The following XXYLT1 variants were observed in gnomAD, a reference collection of about 807,000 sequenced individuals.
XXYLT1 encodes UDP-xylose:alpha-xyloside alpha-1,3-xylosyltransferase.
A neutral mutation model predicts 28.9 loss-of-function variants in XXYLT1; 20 were observed. The observed-to-expected ratio is 0.69, with a 90% confidence interval of 0.49 to 1.00. The LOEUF is 1.00. Ranked by LOEUF, XXYLT1 falls within the 50% of genes least tolerant of loss-of-function variation. XXYLT1 has a pLI of 0.00. For synonymous variants in XXYLT1, 257 were observed against 253.8 expected, an observed-to-expected ratio of 1.01 and a Z score of -0.12; for missense variants, 542 against 560.1, an observed-to-expected ratio of 0.97 and a Z score of 0.33.
intron 3 of XXYLT1, among the ~76,000 whole-genome samples, chr3:195,102,510 A>C (rs1716848274): frequency 6.6e-6 from 1 of 152,046 alleles, no homozygotes; most frequent in East Asian, 1.9e-4. Context: ...TCCTCTTTTT[A>C]AAAAGATTCT....
intron 2 of XXYLT1, among the ~76,000 whole-genome samples, chr3:195,170,164 T>A (rs1721336906): frequency 6.6e-6 from 1 of 152,138 alleles, no homozygotes; most frequent in African/African-American, 2.4e-5. Flanking sequence ...ATGTATATAT[T>A]TATATATATG....
intron 2 of XXYLT1, among the ~76,000 whole-genome samples, chr3:195,207,013 G>A (rs1723102631): frequency 6.6e-6 from 1 of 152,080 alleles, no homozygotes. Flanking sequence ...AAAGGCCCAC[G>A]GAGGATGTTC....
chr3:195,122,775 G>T (rs183712788), intron 3 of XXYLT1, among the ~76,000 whole-genome samples: 2 of 152,228 alleles, frequency 1.3e-5, no homozygotes, highest in Admixed American at 6.5e-5. Context: ...CAGCGGGGGC[G>T]ACACGCTCCC....
rs1257313361 is a variant in XXYLT1, at chr3:195,173,760, C to G, written c.653-17179G>C. Among the ~76,000 whole-genome samples, 1 of 152,220 alleles carries G rather than the reference C, an allele frequency of 6.6e-6. No individual in the cohort carries two copies. Among genetic ancestry groups the G allele is most frequent in the Non-Finnish European group, 1.5e-5 (1 of 68,036 alleles). On this transcript the variant is annotated intron_variant, in intron 2 of 3. Transcript: ENST00000310380. The surrounding 1 kb of genome is among the most constrained non-coding windows in gnomAD (Gnocchi z 4.3). Reference sequence around the variant, plus strand: ...AGAAAGCAGAAGGAGCTTTGCATCTCAGGCCATCCCGCACCGGCTCGCTGT... The same window carrying G: ...AGAAAGCAGAAGGAGCTTTGCATCTGAGGCCATCCCGCACCGGCTCGCTGT...
intron 2 of XXYLT1, among the ~76,000 whole-genome samples, chr3:195,186,971 C>T (rs113795809): frequency 0.07 from 10,521 of 150,632 alleles, 1,238 homozygotes; most frequent in African/African-American, 0.24. Context: ...CTCGGCTCAC[C>T]GCAACCTCCA....
chr3:195,197,668 A>G lies in XXYLT1; in HGVS notation c.652+29041T>C, dbSNP rs144041212. 2.2e-4 allele frequency among the ~76,000 whole-genome samples: 33 copies of G among 152,348 alleles called. 1 individual carries two copies. The East Asian group carries it at 6.4e-3, about 29-fold the overall frequency. On this transcript the variant is annotated intron_variant, in intron 2 of 3. Transcript: ENST00000310380. Reference sequence around the variant, plus strand: ...AACAAATTAAAGTCCTATAAAAAAGACAACTATATATCCCGTCCGCTCAGG... The same window carrying G: ...AACAAATTAAAGTCCTATAAAAAAGGCAACTATATATCCCGTCCGCTCAGG...
At chr3:195,131,843 A>G (rs1403259505) in intron 3 of XXYLT1, among the ~76,000 whole-genome samples, 1 of 152,192 alleles carries the variant, frequency 6.6e-6, no homozygotes, top group Non-Finnish European at 1.5e-5. Context: ...TGGATCTTCC[A>G]TTTCCTAGTT....
intron 3 of XXYLT1, among the ~76,000 whole-genome samples, chr3:195,092,168 GA>G (rs1254214128): frequency 7.2e-6 from 1 of 139,230 alleles, no homozygotes; most frequent in Non-Finnish European, 1.5e-5. Context: ...CACAGAATTG[GA>G]AAAAACTACT....
At chr3:195,137,822 G>C (rs2108641525) in intron 3 of XXYLT1, among the ~76,000 whole-genome samples, 1 of 152,316 alleles carries the variant, frequency 6.6e-6, no homozygotes. Flanking sequence ...AGTAGGTCCT[G>C]AAGGCCAGTG....
rs553596039 is a variant in XXYLT1, at chr3:195,069,473, C to G, written c.*242G>C. On this transcript the variant is annotated 3_prime_UTR_variant, in exon 4 of 4. Coordinates refer to ENST00000310380, the MANE Select transcript of XXYLT1 (RefSeq NM_152531.5). ...CTTGCTTCCCAGCCCACTGGACATGCGTGTCCTTTGTGTCGCCTGCTCCCT... is the reference window on the plus strand; with the variant it reads ...CTTGCTTCCCAGCCCACTGGACATGGGTGTCCTTTGTGTCGCCTGCTCCCT... 1 of 537,204 alleles carries G rather than the reference C, an allele frequency of 1.9e-6. No individual in the cohort carries two copies. The highest frequency in any genetic ancestry group is 3.2e-6 in the Non-Finnish European group (1 of 307,862). The allele number at this position is 537,204 out of a possible 1,614,324, so 33.3% of individuals were successfully genotyped here.
At chr3:195,223,328 A>G (rs1187192412) in intron 2 of XXYLT1, among the ~76,000 whole-genome samples, 1 of 152,176 alleles carries the variant, frequency 6.6e-6, no homozygotes, top group Non-Finnish European at 1.5e-5. Context: ...AAACACAGAA[A>G]AAGAATTTGG....
chr3:195,156,840 G>A (rs180819679), intron 2 of XXYLT1, among the ~76,000 whole-genome samples: 4 of 152,218 alleles, frequency 2.6e-5, no homozygotes, highest in East Asian at 1.9e-4. Flanking sequence ...GCGACCACAC[G>A]CTCCAGTGTC....
intron 3 of XXYLT1, among the ~76,000 whole-genome samples, chr3:195,103,731 A>T (rs1464553152): frequency 6.6e-6 from 1 of 152,220 alleles, no homozygotes; most frequent in Non-Finnish European, 1.5e-5. Context: ...AGGCCCTGAG[A>T]AACTAGGGAA....
chr3:195,226,819 A>T lies in XXYLT1; in HGVS notation c.542T>A (p.Leu181His), dbSNP rs1403535189. The T allele has an allele frequency of 6.2e-7, 1 of 1,613,826 alleles. No homozygotes were observed. ...FHDVAVLTDKLFPIVEAMQKH... is the reference protein window; with the variant it reads ...FHDVAVLTDKHFPIVEAMQKH... ...CTGCATGGCCTCCACGATGGGGAAG[A>T]GCTTATCCGTCAGCACAGCAACATC... is the stretch of plus-strand genomic sequence containing the variant. Residue 181 changes from leucine (L) to histidine (H), a missense_variant, in exon 2 of 4, where the codon CTC becomes CAC. Transcript: ENST00000310380.
intron 1 of XXYLT1, among the ~76,000 whole-genome samples, chr3:195,227,187 GC>G (rs939965186): frequency 2.6e-5 from 4 of 152,204 alleles, no homozygotes; most frequent in Non-Finnish European, 4.4e-5. Flanking sequence ...ATGAAGCTGG[GC>G]CCCCCTGAAG....
intron 3 of XXYLT1, among the ~76,000 whole-genome samples, chr3:195,140,052 A>G (rs1444349902): frequency 1.3e-5 from 2 of 152,230 alleles, no homozygotes; most frequent in Admixed American, 6.5e-5. Context: ...ATCCTTTTAC[A>G]GTCACAGGCT....
intron 1 of XXYLT1, among the ~76,000 whole-genome samples, chr3:195,227,917 G>A (rs1001274960): frequency 4.6e-5 from 7 of 152,196 alleles, no homozygotes; most frequent in African/African-American, 9.7e-5. Flanking sequence ...TGGCCCATGC[G>A]CAGCCCCAGC....
intron 3 of XXYLT1, among the ~76,000 whole-genome samples, chr3:195,135,169 G>A (rs1388245222): frequency 6.6e-6 from 1 of 152,202 alleles, no homozygotes; most frequent in Admixed American, 6.5e-5. Flanking sequence ...ATCCGCTTGA[G>A]ACTGACAGAT....
intron 3 of XXYLT1, among the ~76,000 whole-genome samples, chr3:195,145,507 G>A (rs1417792512): frequency 2.9e-5 from 4 of 137,700 alleles, no homozygotes; most frequent in African/African-American, 5.7e-5. Flanking sequence ...CACGGTGACC[G>A]GCACTGATGG....
Sources: gnomAD v4.1 joint callset for allele counts (sites outside exome capture counted in the v4.1 genomes callset) on GRCh38, gnomAD v4.1.1 for gene constraint, Gnocchi (gnomAD v3.1) non-coding constraint, MANE v1.5 for transcripts, NCBI Gene and HGNC (gene_info 2026-07-23, HGNC 2026-07-21) for gene names.